Variants in STEAP1B observed in about 807,000 individuals in gnomAD.
STEAP1B encodes STEAP family protein MGC87042.
In STEAP1B, 13 loss-of-function variants were observed where a neutral mutation model predicts 27.9. That is an observed-to-expected ratio of 0.47 (90% CI 0.30 to 0.74). The LOEUF (loss-of-function observed/expected upper bound fraction) is 0.74. Ranked by LOEUF, STEAP1B falls within the 30% of genes least tolerant of loss-of-function variation. The pLI, the probability that STEAP1B is intolerant of heterozygous loss-of-function variation, is 0.06. For synonymous variants in STEAP1B, 86 were observed against 107.1 expected, an observed-to-expected ratio of 0.80 and a Z score of 1.22; for missense variants, 250 against 298.7, an observed-to-expected ratio of 0.84 and a Z score of 1.20.
chr7:22,477,628 T>A (rs973507048), intron 4 of STEAP1B, among the ~76,000 whole-genome samples: 7 of 152,222 alleles, frequency 4.6e-5, no homozygotes, highest in African/African-American at 1.7e-4. Flanking sequence ...ATTAAAATAA[T>A]GGATTTTTGG....
intron 2 of STEAP1B, 61 bp downstream of exon 2, chr7:22,494,711 T>G: frequency 8.4e-7 from 1 of 1,195,646 alleles, no homozygotes; most frequent in South Asian, 1.5e-5. Flanking sequence ...ATACAGAATG[T>G]CATCGAATTA....
chr7:22,438,485 A>C (rs773033724), intron 4 of STEAP1B: 2 of 1,547,850 alleles, frequency 1.3e-6, no homozygotes, highest in African/African-American at 2.7e-5. Context: ...ACTTTCATGC[A>C]TGCTTAAATC....
chr7:22,455,722 C>CT (rs1435418347), intron 4 of STEAP1B, among the ~76,000 whole-genome samples: 1 of 152,204 alleles, frequency 6.6e-6, no homozygotes, highest in Non-Finnish European at 1.5e-5. Context: ...ACTGTGTCTT[C>CT]CAATGTGCTA....
intron 4 of STEAP1B, among the ~76,000 whole-genome samples, chr7:22,475,138 A>G (rs970508848): frequency 6.6e-6 from 1 of 152,120 alleles, no homozygotes; most frequent in Admixed American, 6.5e-5. Flanking sequence ...ATCTCATTTT[A>G]TCCCCACCTA....
At chr7:22,438,536 T>A in intron 4 of STEAP1B, 1 of 1,551,832 alleles carries the variant, frequency 6.4e-7, no homozygotes, top group Non-Finnish European at 8.7e-7. Flanking sequence ...TTATTGAGAT[T>A]TTCTAGATGA....
chr7:22,491,159 C>T (rs1450066229), intron 4 of STEAP1B, among the ~76,000 whole-genome samples: 1 of 152,194 alleles, frequency 6.6e-6, no homozygotes, highest in Non-Finnish European at 1.5e-5. Context: ...TACTGAACAG[C>T]TCTTGTCTGG....
chr7:22,478,756 C>A (rs1370788039), intron 4 of STEAP1B, among the ~76,000 whole-genome samples: 1 of 152,216 alleles, frequency 6.6e-6, no homozygotes, highest in African/African-American at 2.4e-5. Flanking sequence ...GCAGTTGCCA[C>A]ATATATCCAT....
chr7:22,419,802 T>C lies in STEAP1B; in HGVS notation c.*2A>G. The C allele has an allele frequency of 6.5e-7, 1 of 1,549,946 alleles. No individual in the cohort carries two copies. The highest frequency in any genetic ancestry group is 8.7e-7 in the Non-Finnish European group (1 of 1,146,018). ...TTCCTCTCATGTTACTGGCAGGATC[T>C]GTCACAAGGTCAGGAAGTTGATCCT... On this transcript the variant is annotated 3_prime_UTR_variant, in exon 5 of 5. Transcript: ENST00000678116.
chr7:22,444,997 C>T (rs999752042), intron 4 of STEAP1B, among the ~76,000 whole-genome samples: 5 of 152,120 alleles, frequency 3.3e-5, no homozygotes, highest in East Asian at 1.9e-4. Flanking sequence ...TTAGATCAGT[C>T]GTCTTCTCTA....
rs144779994 is a variant in STEAP1B at position 22,456,473 on chromosome 7, C to T, written c.762+36092G>A. On this transcript the variant is annotated intron_variant, in intron 4 of 4. Transcript: ENST00000678116. ...CAACCATTCTTATTCATCTTTATAACCCCAAGGCTAGCCCAGGAACTGGTG... is the reference window on the plus strand; with the variant it reads ...CAACCATTCTTATTCATCTTTATAATCCCAAGGCTAGCCCAGGAACTGGTG... 4.1e-3 allele frequency among the ~76,000 whole-genome samples: 631 copies of T among 152,298 alleles called. 5 individuals carry two copies. The highest frequency in any genetic ancestry group is 6.9e-3 in the Non-Finnish European group (472 of 68,024).
At chr7:22,425,634 A>T (rs1476162158) in intron 4 of STEAP1B, among the ~76,000 whole-genome samples, 3 of 152,168 alleles carry the variant, frequency 2.0e-5, no homozygotes, top group Admixed American at 2.0e-4. Flanking sequence ...ACACTATTTC[A>T]CCAGAGCCAA....
At chr7:22,477,518 C>T (rs1164601167) in intron 4 of STEAP1B, among the ~76,000 whole-genome samples, 1 of 152,218 alleles carries the variant, frequency 6.6e-6, no homozygotes, top group Admixed American at 6.5e-5. Flanking sequence ...GCCTGTATAG[C>T]AGTGATAGTC....
At chr7:22,423,328 G>A (rs1785066360) in intron 4 of STEAP1B, among the ~76,000 whole-genome samples, 1 of 152,176 alleles carries the variant, frequency 6.6e-6, no homozygotes, top group African/African-American at 2.4e-5. Context: ...AATGTTCACA[G>A]TAGTCTTATT....
chr7:22,468,234 T>C (rs1217722991), intron 4 of STEAP1B, among the ~76,000 whole-genome samples: 10 of 152,180 alleles, frequency 6.6e-5, no homozygotes, highest in Admixed American at 6.5e-4. Context: ...CTGGGTGTCC[T>C]GTATTTTATC....
At chr7:22,460,898 T>C (rs989689467) in intron 4 of STEAP1B, among the ~76,000 whole-genome samples, 2 of 152,222 alleles carry the variant, frequency 1.3e-5, no homozygotes, top group African/African-American at 4.8e-5. Flanking sequence ...ATATACCTTT[T>C]CATTGTATTA....
chr7:22,480,163 C>T (rs1356281513), intron 4 of STEAP1B, among the ~76,000 whole-genome samples: 1 of 152,158 alleles, frequency 6.6e-6, no homozygotes, highest in Non-Finnish European at 1.5e-5. Context: ...TTGTTGTAAG[C>T]AACAACTTAT....
chr7:22,471,592 G>T (rs1785885782), intron 4 of STEAP1B, among the ~76,000 whole-genome samples: 1 of 152,146 alleles, frequency 6.6e-6, no homozygotes, highest in Non-Finnish European at 1.5e-5. Context: ...CAAGGTAAAG[G>T]CAAATTTTGA....
chr7:22,466,914 T>C (rs1057430458), intron 4 of STEAP1B, among the ~76,000 whole-genome samples: 5 of 152,210 alleles, frequency 3.3e-5, no homozygotes, highest in African/African-American at 1.2e-4. Context: ...TCTTTGATTT[T>C]CTCATCTGGA....
intron 4 of STEAP1B, among the ~76,000 whole-genome samples, chr7:22,423,720 A>G (rs1308824557): frequency 6.6e-6 from 1 of 152,186 alleles, no homozygotes; most frequent in Non-Finnish European, 1.5e-5. Flanking sequence ...AGTTTGTTAA[A>G]AATCATTGAA....
Sources: gnomAD v4.1 joint callset for allele counts (sites outside exome capture counted in the v4.1 genomes callset) on GRCh38, gnomAD v4.1.1 for gene constraint, MANE v1.5 for transcripts, NCBI Gene and HGNC (gene_info 2026-07-23, HGNC 2026-07-21) for gene names.